The following MED17 variants were observed in gnomAD, a reference collection of about 807,000 sequenced individuals.
The protein encoded by MED17 is mediator complex subunit 17.
MED17 carries 49 observed loss-of-function variants against 80.8 expected under a neutral mutation model. That is an observed-to-expected ratio of 0.61 (90% CI 0.48 to 0.77). The LOEUF (loss-of-function observed/expected upper bound fraction) is 0.77. Ranked by LOEUF, MED17 falls within the 30% of genes least tolerant of loss-of-function variation. The probability of loss-of-function intolerance (pLI) is 0.00; values close to 1 mark genes in which losing one functional copy is unlikely to be tolerated. For missense variants in MED17, 718 were observed against 787.0 expected, an observed-to-expected ratio of 0.91 and a Z score of 1.05; for synonymous variants, 281 against 280.4, an observed-to-expected ratio of 1.00 and a Z score of -0.02.
intron 2 of MED17, 124 bp from the exon 3 acceptor site, chr11:93,790,450 C>G (rs1943822906): frequency 3.7e-6 from 3 of 800,640 alleles, no homozygotes; most frequent in Non-Finnish European, 6.4e-6. Flanking sequence ...ATTAAAAACA[C>G]TGTTATGTGT....
At chr11:93,785,556 A>C (rs1435547059) in intron 1 of MED17, among the ~76,000 whole-genome samples, 8 of 152,216 alleles carry the variant, frequency 5.3e-5, no homozygotes, top group Admixed American at 5.2e-4. Context: ...TCTATTTGCA[A>C]AAAAAGGTAA....
At chr11:93,787,033 G>A (rs531268499) in intron 1 of MED17, among the ~76,000 whole-genome samples, 1 of 152,088 alleles carries the variant, frequency 6.6e-6, no homozygotes, top group South Asian at 2.1e-4. Context: ...GTGTCTCTAG[G>A]AAATATTAAG....
Position 93,797,731 on chromosome 11 carries a change from G to T in MED17, c.1328+12G>T. On this transcript the variant is annotated intron_variant, in intron 8 of 11. Transcript: ENST00000251871. ...TTTCTAAGGAGTAGGTAAGGTTGAA[G>T]AAAGTTACTGTTTTCTGTTTTTTCT... The T allele has an allele frequency of 6.2e-7, 1 of 1,603,368 alleles. No homozygotes were observed. The highest frequency in any genetic ancestry group is 1.1e-5 in the South Asian group (1 of 90,638).
rs545874328 is a variant in MED17 at position 93,812,279 on chromosome 11, T to C, written c.*215T>C. ...TTTATGTACAGTTGTATATACAGTA[T>C]GACAAGATGTAAAATAATATGTTTT... On this transcript the variant is annotated 3_prime_UTR_variant, in exon 12 of 12. Transcript: ENST00000251871. The C allele has an allele frequency of 6.7e-6, 4 of 593,776 alleles. No individual in the cohort carries two copies. The highest frequency in any genetic ancestry group is 4.4e-4 in the Middle Eastern group (1 of 2,258). 36.8% of individuals were successfully genotyped at this position (593,776 alleles called of 1,614,324 possible). A position where few individuals can be genotyped will look rare whatever the true frequency, so the allele number is the denominator to read the frequency against.
At chr11:93,804,016 TATATATATATACAC>T (rs1565293267) in intron 9 of MED17, among the ~76,000 whole-genome samples, 690 of 54,082 alleles carry the variant, frequency 0.013, 7 homozygotes, top group African/African-American at 0.018. Context: ...TATATATATA[TATATATATATACAC>T]ACACACATAT....
intron 7 of MED17, 138 bp from the exon 8 acceptor site, chr11:93,797,396 AT>A: frequency 1.2e-6 from 1 of 805,076 alleles, no homozygotes. Context: ...AGTTGCTAGC[AT>A]TTTTCTCCAA....
chr11:93,786,046 A>C lies in MED17; in HGVS notation c.250+1283A>C, dbSNP rs116892929. Among the ~76,000 whole-genome samples, 1,154 of 152,344 alleles carry C rather than the reference A, an allele frequency of 7.6e-3. 5 individuals carry two copies. Among genetic ancestry groups the C allele is most frequent in the South Asian group, 0.019 (91 of 4,830 alleles). On this transcript the variant is annotated intron_variant, in intron 1 of 11. Transcript: ENST00000251871. Reference sequence around the variant, plus strand: ...CACCTACCTACCTTACAAAGTATAGATATATTACTTACATAAAATTTAAAA... The same window carrying C: ...CACCTACCTACCTTACAAAGTATAGCTATATTACTTACATAAAATTTAAAA...
At chr11:93,787,958 A>T (rs1943786940) in intron 1 of MED17, 43 bp from the exon 2 acceptor site, 2 of 1,545,476 alleles carry the variant, frequency 1.3e-6, no homozygotes, top group Non-Finnish European at 1.8e-6. Flanking sequence ...ATTCAATGTA[A>T]CGAATACTTC....
rs753334525 is a variant in MED17 at position 93,793,401 on chromosome 11, G to C, written c.638-327G>C. ...CAAAGTGCTGGGATTACAGGCATGA[G>C]CCACCATGCCTGCCCTGTGAGTACA... On this transcript the variant is annotated intron_variant, in intron 3 of 11. Coordinates refer to ENST00000251871, the MANE Select transcript of MED17 (RefSeq NM_004268.5). 131 of 266,900 alleles carry C rather than the reference G, an allele frequency of 4.9e-4. 1 individual carries two copies. The highest frequency in any genetic ancestry group is 3.2e-3 in the Admixed American group (62 of 19,256). 16.5% of individuals were successfully genotyped at this position (266,900 alleles called of 1,614,324 possible).
chr11:93,809,944 T>C, intron 11 of MED17, 68 bp downstream of exon 11: 3 of 1,473,074 alleles, frequency 2.0e-6, no homozygotes, highest in Non-Finnish European at 2.9e-6. Flanking sequence ...GTTTTAATAA[T>C]TAAATATGGG....
At chr11:93,795,100 G>C (rs1565290307) in intron 6 of MED17, 40 bp downstream of exon 6, 1 of 1,608,686 alleles carries the variant, frequency 6.2e-7, no homozygotes, top group East Asian at 2.2e-5. Flanking sequence ...ACAGGACTTT[G>C]TGTTTTGGGG....
At chr11:93,807,107 G>A in intron 9 of MED17, 1 of 200,346 alleles carries the variant, frequency 5.0e-6, no homozygotes, top group Non-Finnish European at 1.0e-5. Context: ...ATGTTGGTGT[G>A]GGTTATTAAA....
At position 93,814,047 on chromosome 11, in the gene MED17, T is replaced by A. The variant is rs1204768078; in HGVS notation, c.*1983T>A. ...ATATAAACATTTCTGAATGCTTTAT[T>A]TTTTATTTCTCTGCTTGTCATGAAT... On this transcript the variant is annotated 3_prime_UTR_variant, in exon 12 of 12. Coordinates refer to ENST00000251871, the MANE Select transcript of MED17 (RefSeq NM_004268.5). The A allele has an allele frequency of 6.6e-6, 1 of 152,200 alleles. No individual in the cohort carries two copies. Among genetic ancestry groups the A allele is most frequent in the Non-Finnish European group, 1.5e-5 (1 of 68,066 alleles). The allele number at this position is 152,200 out of a possible 1,614,324, so 9.4% of individuals were successfully genotyped here.
At chr11:93,793,539 C>T in intron 3 of MED17, 189 bp from the exon 4 acceptor site, 1 of 527,024 alleles carries the variant, frequency 1.9e-6, no homozygotes, top group Middle Eastern at 5.0e-4. Flanking sequence ...GGTAAATAAC[C>T]ACCCCCCACC....
chr11:93,790,941 T>G, intron 3 of MED17, 148 bp downstream of exon 3: 8 of 720,888 alleles, frequency 1.1e-5, no homozygotes, highest in Non-Finnish European at 1.1e-5. Context: ...ACCCTATCTC[T>G]ACCAAAAATG....
At chr11:93,799,841 A>G (rs912064628) in intron 8 of MED17, among the ~76,000 whole-genome samples, 1 of 151,426 alleles carries the variant, frequency 6.6e-6, no homozygotes, top group Non-Finnish European at 1.5e-5. Flanking sequence ...ACATGCTAAT[A>G]TATTTTTATG....
intron 2 of MED17, chr11:93,788,424 G>A: frequency 3.0e-6 from 1 of 335,856 alleles, no homozygotes; most frequent in Non-Finnish European, 5.6e-6. Context: ...GCTCACGCCT[G>A]TAATCCCAGC....
At chr11:93,785,030 C>G (rs1943754258) in intron 1 of MED17, 1 of 575,922 alleles carries the variant, frequency 1.7e-6, no homozygotes, top group Non-Finnish European at 3.1e-6. Flanking sequence ...GAATGCTTCT[C>G]TGTAGAGGGC....
chr11:93,786,957 A>T (rs1011730524), intron 1 of MED17, among the ~76,000 whole-genome samples: 1 of 152,184 alleles, frequency 6.6e-6, no homozygotes, highest in South Asian at 2.1e-4. Flanking sequence ...CATACCGTAC[A>T]TCCATGTTCC....
Sources: gnomAD v4.1 joint callset for allele counts (sites outside exome capture counted in the v4.1 genomes callset) on GRCh38, gnomAD v4.1.1 for gene constraint, MANE v1.5 for transcripts, NCBI Gene and HGNC (gene_info 2026-07-23, HGNC 2026-07-21) for gene names.